The following TNNI3K variants were observed in gnomAD, a reference collection of about 807,000 sequenced individuals.
The protein encoded by TNNI3K is TNNI3 interacting kinase, also known as serine/threonine-protein kinase TNNI3K.
In TNNI3K, 140 loss-of-function variants were observed where a neutral mutation model predicts 114.5. The observed-to-expected ratio is 1.22, with a 90% CI of 1.07 to 1.41. The LOEUF (loss-of-function observed/expected upper bound fraction) is 1.41. Among genes scored for constraint, TNNI3K ranks in the 40% most tolerant of loss-of-function variants. The pLI is 0.00. For synonymous variants in TNNI3K, 347 were observed against 347.5 expected (o/e 1.00, Z 0.02); for missense variants, 1,125 against 1,007.6 (o/e 1.12, Z -1.58).
intron 17 of TNNI3K, among the ~76,000 whole-genome samples, chr1:74,435,040 T>C (rs992234212): frequency 4.6e-5 from 7 of 151,966 alleles, no homozygotes; most frequent in Non-Finnish European, 1.0e-4. Flanking sequence ...ATAAATATAA[T>C]ATAGCCCATA....
In TNNI3K at chr1:74,353,996, C is replaced by A; in HGVS notation, c.1044C>A (p.Cys348Ter). ...CTATTACAGGATTACACTCTGCTTG[C>A]TACCACGGTCACATTCGCCTGGTTC... ...RDGHTGLHSACYHGHIRLVQF... is the reference protein window; with the variant it reads ...RDGHTGLHSA The change falls in exon 11 of 25, where the codon TGC (cysteine) becomes TGA (stop). Residue 348 changes from cysteine to a stop codon, truncating the protein, a stop_gained. Coordinates refer to ENST00000326637, the MANE Select transcript of TNNI3K (RefSeq NM_015978.3). LOFTEE classifies it high-confidence loss of function. 1 of 1,613,870 alleles carries A rather than the reference C, an allele frequency of 6.2e-7. No individual in the cohort carries two copies. The highest frequency in any genetic ancestry group is 8.5e-7 in the Non-Finnish European group (1 of 1,179,926).
rs45627538 is a variant in TNNI3K at position 74,334,117 on chromosome 1, G to A, written c.544-1894G>A. Among the ~76,000 whole-genome samples the A allele has an allele frequency of 7.3e-3, 1,109 of 152,272 alleles. 15 individuals are homozygous for A. Among genetic ancestry groups the A allele is most frequent in the African/African-American group, 0.025 (1,034 of 41,540 alleles). ...ATCCTCACAACAACTCCAAGAGGTA[G>A]AAATATTATTATTCCAACTTTAGCA... On this transcript the variant is annotated intron_variant, in intron 6 of 24. Coordinates refer to ENST00000326637, the MANE Select transcript of TNNI3K (RefSeq NM_015978.3).
At chr1:74,240,012 A>C (rs1557442070) in intron 2 of TNNI3K, 4 of 469,264 alleles carry the variant, frequency 8.5e-6, no homozygotes, top group African/African-American at 4.0e-5. Flanking sequence ...AGGAGAAAGA[A>C]AGACAGAAAG....
At chr1:74,238,617 A>G (rs1414165727) in intron 2 of TNNI3K, among the ~76,000 whole-genome samples, 1 of 152,112 alleles carries the variant, frequency 6.6e-6, no homozygotes, top group Admixed American at 6.6e-5. Context: ...AATCTGAAAT[A>G]TAGCTTTTAA....
chr1:74,446,872 A>C (rs894843956), intron 20 of TNNI3K, among the ~76,000 whole-genome samples: 2 of 147,210 alleles, frequency 1.4e-5, no homozygotes, highest in Non-Finnish European at 3.0e-5. Context: ...GTTAATTCTG[A>C]GGGCTCTGTT....
rs190416184 is a variant in TNNI3K, at chr1:74,471,147, G to A, written c.2121+7597G>A. ...CAGGAATGTGGCCAGCTGAGTAACA[G>A]CTGCTTTCTATAGAGCTCTGGTTGA... On this transcript the variant is annotated intron_variant, in intron 21 of 24. Coordinates refer to ENST00000326637, the MANE Select transcript of TNNI3K (RefSeq NM_015978.3). 25 of 400,692 alleles carry A rather than the reference G, an allele frequency of 6.2e-5. 1 individual carries two copies. In the Admixed American group the frequency reaches 1.1e-3, roughly 18 times the overall value. 24.8% of individuals were successfully genotyped at this position (400,692 alleles called of 1,614,324 possible). A position where few individuals can be genotyped will look rare whatever the true frequency, so the allele number is the denominator to read the frequency against.
rs545210272 is a variant in TNNI3K, at chr1:74,282,192, G to C, written c.444+10484G>C. 2.0e-5 allele frequency among the ~76,000 whole-genome samples: 3 copies of C among 152,030 alleles called. No individual in the cohort carries two copies. In the South Asian group the frequency reaches 6.2e-4, roughly 32 times the overall value. ...CAGTAGAGTTAGATTAGAACACAGA[G>C]ACCAAGATGCCAGACATGTGCACAC... On this transcript the variant is annotated intron_variant, in intron 5 of 24. Coordinates refer to ENST00000326637, the MANE Select transcript of TNNI3K (RefSeq NM_015978.3).
chr1:74,516,541 G>A (rs11210473), intron 23 of TNNI3K, among the ~76,000 whole-genome samples: 12,393 of 152,012 alleles, frequency 0.082, 1,116 homozygotes, highest in African/African-American at 0.22. Flanking sequence ...CTGCCTATAT[G>A]AGGCAGGGAG....
intron 17 of TNNI3K, among the ~76,000 whole-genome samples, chr1:74,394,114 C>A (rs1663948809): frequency 6.6e-6 from 1 of 152,148 alleles, no homozygotes; most frequent in African/African-American, 2.4e-5. Flanking sequence ...AAAATGGTTG[C>A]AAATCAACAA....
intron 5 of TNNI3K, among the ~76,000 whole-genome samples, chr1:74,312,126 A>C (rs1005733653): frequency 6.6e-6 from 1 of 152,168 alleles, no homozygotes; most frequent in African/African-American, 2.4e-5. Flanking sequence ...TTATTCATTC[A>C]TTTTTTAAAA....
chr1:74,412,690 C>G (rs541227628), intron 17 of TNNI3K, among the ~76,000 whole-genome samples: 86 of 152,284 alleles, frequency 5.6e-4, no homozygotes, highest in African/African-American at 2.0e-3. Context: ...TCTCAGTTCA[C>G]TGGAACCTCC....
intron 17 of TNNI3K, chr1:74,373,207 A>C (rs559242210): frequency 6.6e-6 from 1 of 152,042 alleles, no homozygotes; most frequent in East Asian, 1.9e-4. Flanking sequence ...GAAAATAATT[A>C]AGGGTCAAAA....
intron 17 of TNNI3K, chr1:74,374,002 G>A (rs1662746199): frequency 6.6e-6 from 1 of 151,840 alleles, no homozygotes; most frequent in South Asian, 2.1e-4. Flanking sequence ...TATTTCCTAT[G>A]CACATCCTCT....
At chr1:74,493,949 G>A (rs12094980) in intron 23 of TNNI3K, among the ~76,000 whole-genome samples, 6 of 152,152 alleles carry the variant, frequency 3.9e-5, no homozygotes, top group African/African-American at 1.4e-4. Flanking sequence ...AAAAGGCATG[G>A]GTAACTGGAG....
At chr1:74,489,542 A>G (rs1212699864) in intron 22 of TNNI3K, among the ~76,000 whole-genome samples, 1 of 152,248 alleles carries the variant, frequency 6.6e-6, no homozygotes, top group East Asian at 1.9e-4. Context: ...TATAACAAAT[A>G]CATTAGAAGG....
chr1:74,542,926 G>C (rs1646742677), intron 24 of TNNI3K, among the ~76,000 whole-genome samples: 1 of 152,026 alleles, frequency 6.6e-6, no homozygotes, highest in African/African-American at 2.4e-5. Context: ...GCTTCAAAGG[G>C]CATCAAATGC....
intron 5 of TNNI3K, among the ~76,000 whole-genome samples, chr1:74,307,628 G>T (rs747725423): frequency 5.9e-5 from 9 of 152,122 alleles, no homozygotes; most frequent in Non-Finnish European, 1.2e-4. Flanking sequence ...GAGGGAGCAT[G>T]CTTATTTGTA....
chr1:74,314,203 C>G (rs1659167574), intron 5 of TNNI3K, among the ~76,000 whole-genome samples: 1 of 149,660 alleles, frequency 6.7e-6, no homozygotes, highest in African/African-American at 2.5e-5. Flanking sequence ...AGTTCAGGGC[C>G]TGCTATATTT....
chr1:74,270,460 T>A (rs531185), intron 4 of TNNI3K, among the ~76,000 whole-genome samples: 1 of 151,692 alleles, frequency 6.6e-6, no homozygotes, highest in African/African-American at 2.4e-5. Context: ...AGGTTGAAGA[T>A]GCAATATTTA....
Sources: gnomAD v4.1 joint callset for allele counts (sites outside exome capture counted in the v4.1 genomes callset) on GRCh38, gnomAD v4.1.1 for gene constraint, MANE v1.5 for transcripts, NCBI Gene and HGNC (gene_info 2026-07-23, HGNC 2026-07-21) for gene names.